Variants in GALE observed in about 807,000 individuals in gnomAD.
The protein encoded by GALE is UDP-galactose-4-epimerase.
A neutral mutation model predicts 44.1 loss-of-function variants in GALE; 32 were observed. The ratio of observed to expected loss-of-function variants is 0.73; its 90% CI spans 0.55 to 0.97. The LOEUF (loss-of-function observed/expected upper bound fraction) is 0.97, where lower values mean the gene tolerates loss of function less well. Among genes scored for constraint, GALE ranks in the 50% least tolerant of loss-of-function variants. The pLI is 0.00. For missense variants in GALE, 423 were observed against 455.6 expected, an observed-to-expected ratio of 0.93 and a Z score of 0.65; for synonymous variants, 182 against 183.5, an observed-to-expected ratio of 0.99 and a Z score of 0.06.
chr1:23,796,605 G>A lies in GALE; in HGVS notation c.796-19C>T, dbSNP rs747737756. 11 of 1,613,854 alleles carry A rather than the reference G, an allele frequency of 6.8e-6. No homozygotes were observed. Among genetic ancestry groups the A allele is most frequent in the Non-Finnish European group, 9.3e-6 (11 of 1,179,982 alleles). On this transcript the variant is annotated intron_variant, in intron 9 of 11. Transcript: ENST00000617979. This position sits in a 1 kb window ranked among gnomAD's most constrained non-coding sequence, Gnocchi z 5.2. ...TGTAGATCTGGCCCACGGAGAACAG[G>A]GTTTATGGAGCGGGCTGGACTGACC...
In GALE at chr1:23,796,962, C is replaced by A; in HGVS notation, c.643-20G>T. 1.2e-6 allele frequency: 2 copies of A among 1,611,146 alleles called. No individual in the cohort carries two copies. The highest frequency in any genetic ancestry group is 2.2e-5 in the South Asian group (2 of 90,402). Reference sequence around the variant, plus strand: ...CGCCACCTGGAGGTGGAGATCAGGTCAGTTCGTCCCAGATCCCAGGCACCA... The same window carrying A: ...CGCCACCTGGAGGTGGAGATCAGGTAAGTTCGTCCCAGATCCCAGGCACCA... On this transcript the variant is annotated intron_variant, in intron 7 of 11. Transcript: ENST00000617979. This position sits in a 1 kb window ranked among gnomAD's most constrained non-coding sequence, Gnocchi z 5.2.
Position 23,798,069 on chromosome 1 carries a change from C to T in GALE, c.351+48G>A, listed in dbSNP as rs1315038333. The stretch of plus-strand genomic sequence containing the variant: ...TTGGCACTGCCTGCCAGGCTGGGGT[C>T]CAGCTGGACACCCTCCTAGTGTCTG... On this transcript the variant is annotated intron_variant, in intron 5 of 11. Transcript: ENST00000617979. This position sits in a 1 kb window ranked among gnomAD's most constrained non-coding sequence, Gnocchi z 4.5. The T allele has an allele frequency of 6.7e-7, 1 of 1,497,768 alleles. No homozygotes were observed. The highest frequency in any genetic ancestry group is 1.4e-5 in the African/African-American group (1 of 72,586). The allele number at this position is 1,497,768 out of a possible 1,614,324, so 92.8% of individuals were successfully genotyped here. A position where few individuals can be genotyped will look rare whatever the true frequency, so the allele number is the denominator to read the frequency against.
At position 23,798,955 on chromosome 1, in the gene GALE, G is replaced by A. The variant is rs746828892; in HGVS notation, c.53C>T (p.Thr18Met). The change falls in exon 3 of 12, where the codon ACG becomes ATG. Residue 18 changes from threonine (T) to methionine (M), a missense_variant. Thr to Met is a moderately conservative substitution (Grantham distance 81). Transcript: ENST00000617979. This position sits in a 1 kb window ranked among gnomAD's most constrained non-coding sequence, Gnocchi z 4.5. ...TGGAGYIGSHTVLELLEAGYL... is the reference protein window; with the variant it reads ...TGGAGYIGSHMVLELLEAGYL... The stretch of plus-strand genomic sequence containing the variant: ...GCCAGCCTCCAGCAGCTCCAGCACC[G>A]TGTGGCTGCCAATGTAGCCAGCCCC... 4.3e-6 allele frequency: 7 copies of A among 1,614,072 alleles called. No homozygotes were observed. The highest frequency in any genetic ancestry group is 1.6e-4 in the Middle Eastern group (1 of 6,062).
chr1:23,796,214 C>T lies in GALE; in HGVS notation c.925G>A (p.Ala309Thr), dbSNP rs750521854. The change falls in exon 11 of 12, where the codon GCC (alanine) becomes ACC (threonine). Residue 309 changes from alanine to threonine, a missense_variant. Transcript: ENST00000617979. The surrounding 1 kb of genome is among the most constrained non-coding windows in gnomAD (Gnocchi z 5.2). ...RREGDVAACY[A>T]NPSLAQEELG... ...TCCTCTTGGGCCAGGCTGGGGTTGG[C>T]GTAACAGGCTGCCACATCACCTTCC... 8.7e-6 allele frequency: 14 copies of T among 1,613,986 alleles called. No homozygotes were observed. The East Asian group carries it at 2.0e-4, about 23-fold the overall frequency.
Position 23,795,825 on chromosome 1 carries a change from C to G in GALE, c.*124G>C. On this transcript the variant is annotated 3_prime_UTR_variant, in exon 12 of 12. Coordinates refer to ENST00000617979, the MANE Select transcript of GALE (RefSeq NM_001008216.2). The stretch of plus-strand genomic sequence containing the variant: ...TCATGCCTGGTGGGCTAAGCGGGCC[C>G]AGCTGGGGTTTGAGGTAGGGGAGGC... 1.0e-6 allele frequency: 1 copy of G among 956,172 alleles called. No homozygotes were observed. The highest frequency in any genetic ancestry group is 1.7e-6 in the Non-Finnish European group (1 of 602,878). The allele number at this position is 956,172 out of a possible 1,614,324, so 59.2% of individuals were successfully genotyped here. A position where few individuals can be genotyped will look rare whatever the true frequency, so the allele number is the denominator to read the frequency against.
chr1:23,798,889 C>T lies in GALE; in HGVS notation c.119G>A (p.Arg40His), dbSNP rs778435909. Reference sequence around the variant, plus strand: ...CCCAGCCCCACTGCCCCGCTCACCACGGAAGGCATTATGGAAGTTATCGAT... The same window carrying T: ...CCCAGCCCCACTGCCCCGCTCACCATGGAAGGCATTATGGAAGTTATCGAT... ...VVIDNFHNAF[R>H]GGGSLPESLR... The change falls in exon 3 of 12, where the codon CGT becomes CAT. Residue 40 changes from arginine to histidine, a missense_variant and splice_region_variant. Coordinates refer to ENST00000617979, the MANE Select transcript of GALE (RefSeq NM_001008216.2). The surrounding 1 kb of genome is among the most constrained non-coding windows in gnomAD (Gnocchi z 4.5). 3.4e-5 allele frequency: 55 copies of T among 1,614,202 alleles called. No individual in the cohort carries two copies. The highest frequency in any genetic ancestry group is 4.2e-5 in the Non-Finnish European group (49 of 1,180,036).
chr1:23,799,485 A>C, intron 1 of GALE, 49 bp from the exon 2 acceptor site: 1 of 271,610 alleles, frequency 3.7e-6, no homozygotes. Flanking sequence ...GGGTCGCAGG[A>C]AGGGGTTCTG....
rs747147923 is a variant in GALE at position 23,798,572 on chromosome 1, C to T, written c.237+43G>A. On this transcript the variant is annotated intron_variant, in intron 4 of 11. Transcript: ENST00000617979. The surrounding 1 kb of genome is among the most constrained non-coding windows in gnomAD (Gnocchi z 4.5). ...CTCCTCACCTCGGCCTTCCAAAGTGCTGGAATTACAGGCGTGAGCCACCGT... is the reference window on the plus strand; with the variant it reads ...CTCCTCACCTCGGCCTTCCAAAGTGTTGGAATTACAGGCGTGAGCCACCGT... The T allele has an allele frequency of 7.0e-7, 1 of 1,429,616 alleles. No individual in the cohort carries two copies. Among genetic ancestry groups the T allele is most frequent in the South Asian group, 1.1e-5 (1 of 87,484 alleles). 88.6% of individuals were successfully genotyped at this position (1,429,616 alleles called of 1,614,324 possible).
At position 23,798,172 on chromosome 1, in the gene GALE, T is replaced by G. The variant is rs1010448165; in HGVS notation, c.296A>C (p.Gln99Pro). 1 of 1,614,168 alleles carries G rather than the reference T, an allele frequency of 6.2e-7. No homozygotes were observed. The change falls in exon 5 of 12, where the codon CAG becomes CCG. Residue 99 changes from glutamine to proline, a missense_variant. By Grantham distance (76) the Gln-to-Pro change is moderately conservative. Transcript: ENST00000617979. This position sits in a 1 kb window ranked among gnomAD's most constrained non-coding sequence, Gnocchi z 4.5. ...AGLKAVGESV[Q>P]KPLDYYRVNL... ...AACTCTGTAATAATCCAGAGGCTTC[T>G]GCACCGACTCGCCCACGGCCTTGAG...
intron 1 of GALE, 175 bp from the exon 2 acceptor site, chr1:23,799,611 G>T (rs1161995118): frequency 6.0e-6 from 1 of 166,080 alleles, no homozygotes; most frequent in East Asian, 1.7e-4. Flanking sequence ...TTCCCTCAAG[G>T]GTCAGCTGGG....
At position 23,798,658 on chromosome 1, in the gene GALE, A is replaced by T; in HGVS notation, c.194T>A (p.Met65Lys). 1.2e-6 allele frequency: 2 copies of T among 1,613,802 alleles called. No homozygotes were observed. The highest frequency in any genetic ancestry group is 1.7e-6 in the Non-Finnish European group (2 of 1,179,850). ...TAGGGCTCCCTGGTCCAAAATGTCCATCTCCTCAAACTCCACAGAGCGGCC... is the reference window on the plus strand; with the variant it reads ...TAGGGCTCCCTGGTCCAAAATGTCCTTCTCCTCAAACTCCACAGAGCGGCC... ...LTGRSVEFEE[M>K]DILDQGALQR... is the part of the protein sequence containing the mutation. The change falls in exon 4 of 12, where the codon ATG becomes AAG. Residue 65 changes from methionine (M) to lysine (K), a missense_variant. By Grantham distance (95) the Met-to-Lys change is moderately conservative. Transcript: ENST00000617979. This position sits in a 1 kb window ranked among gnomAD's most constrained non-coding sequence, Gnocchi z 4.5.
At chr1:23,797,904 G>A in intron 5 of GALE, 33 bp from the exon 6 acceptor site, 6 of 1,608,282 alleles carry the variant, frequency 3.7e-6, no homozygotes, top group Non-Finnish European at 5.1e-6. Context: ...AGTGACCTCT[G>A]CCTCACACAT....
At position 23,798,809 on chromosome 1, in the gene GALE, G is replaced by A. The variant is rs7551384; in HGVS notation, c.121+78C>T. On this transcript the variant is annotated intron_variant, in intron 3 of 11. Transcript: ENST00000617979. The surrounding 1 kb of genome is among the most constrained non-coding windows in gnomAD (Gnocchi z 4.5). ...GGGACTAGCCAGACACACATTCCCCGCCCGGTGGTGGAGGTGGAACCCAGG... is the reference window on the plus strand; with the variant it reads ...GGGACTAGCCAGACACACATTCCCCACCCGGTGGTGGAGGTGGAACCCAGG... The A allele has an allele frequency of 3.2e-4, 517 of 1,610,314 alleles. No individual in the cohort carries two copies. The highest frequency in any genetic ancestry group is 3.9e-4 in the Non-Finnish European group (461 of 1,176,674).
chr1:23,799,255 T>C (rs1237426298), intron 2 of GALE, 111 bp downstream of exon 2: 5 of 560,166 alleles, frequency 8.9e-6, no homozygotes, highest in Non-Finnish European at 9.6e-6. Context: ...CTAATAATTG[T>C]ATAAACTTCA....
rs368420588 is a variant in GALE, at chr1:23,795,993, G to A, written c.1003C>T (p.Arg335Cys). ...CCTGAAGGATTCTGCTTCTGCCAGC[G>A]CCAGAGATCCTCACCTGCAACACGG... is the stretch of plus-strand genomic sequence containing the variant. ...GLDRMCEDLW[R>C]WQKQNPSGFG... The change falls in exon 12 of 12, where the codon CGC becomes TGC. Residue 335 changes from arginine (R) to cysteine (C), a missense_variant. Coordinates refer to ENST00000617979, the MANE Select transcript of GALE (RefSeq NM_001008216.2). The A allele has an allele frequency of 1.5e-5, 25 of 1,613,878 alleles. No homozygotes were observed. The highest frequency in any genetic ancestry group is 2.7e-5 in the African/African-American group (2 of 74,924).
In GALE at chr1:23,796,771, A is replaced by T; in HGVS notation, c.721T>A (p.Tyr241Asn). 2 of 1,611,156 alleles carry T rather than the reference A, an allele frequency of 1.2e-6. No homozygotes were observed. Among genetic ancestry groups the T allele is most frequent in the Non-Finnish European group, 1.7e-6 (2 of 1,178,502 alleles). ...TTGGCCAGATCCACGACATGGATGT[A>T]ATCCCGGACACCTGCAGAGAAGGGA... ...DTEDGTGVRD[Y>N]IHVVDLAKGH... The change falls in exon 9 of 12, where the codon TAC becomes AAC. Residue 241 changes from tyrosine (Y) to asparagine (N), a missense_variant. Physicochemically the swap from Tyr to Asn is moderately radical, Grantham distance 143 (BLOSUM62 -2). Transcript: ENST00000617979. This position sits in a 1 kb window ranked among gnomAD's most constrained non-coding sequence, Gnocchi z 5.2.
Position 23,798,258 on chromosome 1 carries a change from C to T in GALE, c.238-28G>A. The T allele has an allele frequency of 6.4e-7, 1 of 1,555,686 alleles. No homozygotes were observed. Among genetic ancestry groups the T allele is most frequent in the Non-Finnish European group, 8.9e-7 (1 of 1,127,126 alleles). The stretch of plus-strand genomic sequence containing the variant: ...GCAGGGGTGACATGGCCAGAGGTTG[C>T]TCTACTGGTTTTAGTCCTTGGCAAT... On this transcript the variant is annotated intron_variant, in intron 4 of 11. Transcript: ENST00000617979. This position sits in a 1 kb window ranked among gnomAD's most constrained non-coding sequence, Gnocchi z 4.5.
Position 23,797,133 on chromosome 1 carries a change from C to T in GALE, c.543G>A (p.Val181=). The change falls in exon 7 of 12, where the codon GTG becomes GTA. Residue 181 remains valine, a synonymous_variant. Coordinates refer to ENST00000617979, the MANE Select transcript of GALE (RefSeq NM_001008216.2). ...CTGTGGGGTTGAAATAGCGCAGCAG[C>T]ACTGCGTTCCAAGTCTGTGGGATGT... ...LCQADKTWNA[V]LLRYFNPTGA... The T allele has an allele frequency of 6.2e-7, 1 of 1,608,544 alleles. No individual in the cohort carries two copies. The highest frequency in any genetic ancestry group is 8.5e-7 in the Non-Finnish European group (1 of 1,177,608).
At position 23,796,170 on chromosome 1, in the gene GALE, G is replaced by GGCT; in HGVS notation, c.966_968dup (p.Ala323dup). On this transcript the variant is annotated inframe_insertion, in exon 11 of 12. Transcript: ENST00000617979. This position sits in a 1 kb window ranked among gnomAD's most constrained non-coding sequence, Gnocchi z 5.2. Reference sequence around the variant, plus strand: ...ACTCACACATCCTGTCCAGCCCTAAGGCTGCTGTCCACCCCAGCTCCTCTT... The same window carrying GGCT: ...ACTCACACATCCTGTCCAGCCCTAAGGCTGCTGCTGTCCACCCCAGCTCCTCTT... 6.2e-7 allele frequency: 1 copy of GGCT among 1,613,982 alleles called. No individual in the cohort carries two copies. The highest frequency in any genetic ancestry group is 8.5e-7 in the Non-Finnish European group (1 of 1,179,872).
Sources: allele counts gnomAD v4.1 joint callset, GRCh38; gene constraint gnomAD v4.1.1; non-coding constraint Gnocchi (gnomAD v3.1); transcripts MANE v1.5; gene names NCBI Gene and HGNC (gene_info 2026-07-23, HGNC 2026-07-21).